The following ARHGAP6 variants were observed in gnomAD, a reference collection of about 807,000 sequenced individuals.
The protein encoded by ARHGAP6 is Rho GTPase activating protein 6, also known as rho GTPase-activating protein 6.
A neutral mutation model predicts 55.7 loss-of-function variants in ARHGAP6; 16 were observed. The observed-to-expected ratio is 0.29, with a 90% CI of 0.19 to 0.44. The LOEUF (loss-of-function observed/expected upper bound fraction) is 0.44, where lower values mean the gene tolerates loss of function less well. Ranked by LOEUF, ARHGAP6 falls within the 20% of genes least tolerant of loss-of-function variation. The pLI, the probability that ARHGAP6 is intolerant of heterozygous loss-of-function variation, is 1.00. For synonymous variants in ARHGAP6, 382 were observed against 360.9 expected, an observed-to-expected ratio of 1.06 and a Z score of -0.66; for missense variants, 698 against 808.9, an observed-to-expected ratio of 0.86 and a Z score of 1.66.
At chrX:11,224,022 T>C (rs755585063) in intron 2 of ARHGAP6, among the ~76,000 whole-genome samples, 11 of 112,193 alleles carry the variant, frequency 9.8e-5, no homozygotes, top group Non-Finnish European at 1.7e-4. Context: ...TGCTACTTTA[T>C]AGTATAAATT....
At chrX:11,550,738 T>C (rs1569394294) in intron 1 of ARHGAP6, among the ~76,000 whole-genome samples, 1 of 112,233 alleles carries the variant, frequency 8.9e-6, no homozygotes, top group Non-Finnish European at 1.9e-5. Context: ...TGCATGTTAA[T>C]GTAATCAGAT....
chrX:11,216,927 C>T (rs950827751), intron 2 of ARHGAP6, among the ~76,000 whole-genome samples: 1 of 110,144 alleles, frequency 9.1e-6, no homozygotes, highest in African/African-American at 3.3e-5. Context: ...CATGTGCTCT[C>T]GTTGTTCAAC....
rs745893682 is a variant in ARHGAP6, at chrX:11,140,072, T to TC, written c.2258-543dup. 8.3e-4 allele frequency among the ~76,000 whole-genome samples: 92 copies of TC among 110,757 alleles called. 2 individuals are homozygous for TC. In the South Asian group the frequency reaches 0.034, roughly 41 times the overall value. On this transcript the variant is annotated intron_variant, in intron 12 of 12. Coordinates refer to ENST00000337414, the MANE Select transcript of ARHGAP6 (RefSeq NM_013427.3). ...GCTGACTTGGTGATCACCCAATCGT[T>TC]CCCCTTTACTTCCTACATGGCAGTT...
intron 2 of ARHGAP6, among the ~76,000 whole-genome samples, chrX:11,238,392 G>GT (rs2047231473): frequency 8.9e-6 from 1 of 112,048 alleles, no homozygotes; most frequent in African/African-American, 3.2e-5. Flanking sequence ...TATATGAACT[G>GT]TTTTTTTCTC....
At chrX:11,241,911 G>A (rs769993773) in intron 2 of ARHGAP6, among the ~76,000 whole-genome samples, 94 of 111,592 alleles carry the variant, frequency 8.4e-4, no homozygotes, top group African/African-American at 2.9e-3. Context: ...GCTCCCCAAA[G>A]TACTTGTGAA....
chrX:11,615,596 C>A (rs925399964), intron 1 of ARHGAP6, among the ~76,000 whole-genome samples: 1 of 112,071 alleles, frequency 8.9e-6, no homozygotes, highest in Non-Finnish European at 1.9e-5. Context: ...TGAGCACCCA[C>A]AGACAGGAAA....
At chrX:11,291,141 A>G (rs1481996572) in intron 1 of ARHGAP6, among the ~76,000 whole-genome samples, 1 of 112,741 alleles carries the variant, frequency 8.9e-6, no homozygotes, top group Non-Finnish European at 1.9e-5. Context: ...AAATATTTCA[A>G]TTGAAATTTC....
chrX:11,613,841 C>T (rs1343894333), intron 1 of ARHGAP6, among the ~76,000 whole-genome samples: 1 of 112,123 alleles, frequency 8.9e-6, no homozygotes, highest in Non-Finnish European at 1.9e-5. Flanking sequence ...GTCCCCTGCC[C>T]ACAGGTTCCT....
At chrX:11,623,507 C>T (rs192556295) in intron 1 of ARHGAP6, among the ~76,000 whole-genome samples, 4 of 108,365 alleles carry the variant, frequency 3.7e-5, no homozygotes, top group East Asian at 5.8e-4. Flanking sequence ...CTGGCCAACA[C>T]GGTGAAACCC....
intron 1 of ARHGAP6, among the ~76,000 whole-genome samples, chrX:11,358,997 C>T (rs1172058163): frequency 8.9e-6 from 1 of 112,185 alleles, no homozygotes; most frequent in Non-Finnish European, 1.9e-5. Flanking sequence ...CACTTATCTC[C>T]TTAAAAATAA....
chrX:11,529,374 A>G (rs1161259443), intron 1 of ARHGAP6, among the ~76,000 whole-genome samples: 1 of 112,367 alleles, frequency 8.9e-6, no homozygotes, highest in Non-Finnish European at 1.9e-5. Context: ...ACTTTTGTAA[A>G]ATGTAATAAA....
chrX:11,599,022 C>T (rs192745481), intron 1 of ARHGAP6, among the ~76,000 whole-genome samples: 59 of 111,439 alleles, frequency 5.3e-4, no homozygotes, highest in Non-Finnish European at 1.1e-3. Context: ...CATGATACTG[C>T]ACTCCAGCCT....
chrX:11,542,901 G>A (rs887041856), intron 1 of ARHGAP6, among the ~76,000 whole-genome samples: 1 of 111,210 alleles, frequency 9.0e-6, no homozygotes, highest in Admixed American at 9.6e-5. Context: ...GACAAAATAG[G>A]CCAGGAGAGC....
chrX:11,295,580 T>A (rs1055550678), intron 1 of ARHGAP6, among the ~76,000 whole-genome samples: 1 of 111,133 alleles, frequency 9.0e-6, no homozygotes, highest in Non-Finnish European at 1.9e-5. Context: ...TAAAGAGCAG[T>A]TGATACAACC....
chrX:11,199,764 T>G (rs1042236322), intron 2 of ARHGAP6, among the ~76,000 whole-genome samples: 8 of 112,231 alleles, frequency 7.1e-5, no homozygotes, highest in African/African-American at 2.6e-4. Flanking sequence ...TACAACAAAA[T>G]TTTTTCACTT....
chrX:11,224,119 G>GA (rs1483143485), intron 2 of ARHGAP6: 1 of 139,195 alleles, frequency 7.2e-6, no homozygotes, highest in African/African-American at 3.1e-5. Flanking sequence ...GTTACAGGCA[G>GA]AAATGTAGTT....
chrX:11,507,166 G>A (rs763448088), intron 1 of ARHGAP6, among the ~76,000 whole-genome samples: 2 of 111,716 alleles, frequency 1.8e-5, no homozygotes, highest in African/African-American at 6.5e-5. Flanking sequence ...AGTCATTAAA[G>A]CCTCATTCTG....
At chrX:11,412,727 T>C (rs1300759911) in intron 1 of ARHGAP6, among the ~76,000 whole-genome samples, 2 of 112,096 alleles carry the variant, frequency 1.8e-5, no homozygotes, top group Non-Finnish European at 3.8e-5. Flanking sequence ...ATTCGTACCA[T>C]GGTAATTTGG....
At chrX:11,607,430 G>A (rs1303093888) in intron 1 of ARHGAP6, among the ~76,000 whole-genome samples, 1 of 111,925 alleles carries the variant, frequency 8.9e-6, no homozygotes, top group Non-Finnish European at 1.9e-5. Flanking sequence ...CAGATCCCTG[G>A]TGGTGATTAC....
Sources: allele counts gnomAD v4.1 joint callset (sites outside exome capture counted in the v4.1 genomes callset), GRCh38; gene constraint gnomAD v4.1.1; transcripts MANE v1.5; gene names NCBI Gene and HGNC (gene_info 2026-07-23, HGNC 2026-07-21).